Variants in SLC25A13 observed in about 807,000 individuals in gnomAD.
SLC25A13 encodes electrogenic aspartate/glutamate antiporter SLC25A13, mitochondrial.
A neutral mutation model predicts 85.5 loss-of-function variants in SLC25A13; 70 were observed. That is an observed-to-expected ratio of 0.82 (90% CI 0.68 to 1.00). The LOEUF is 1.00. SLC25A13 is among the 50% of genes least tolerant of loss of function. The pLI is 0.00. For missense variants in SLC25A13, 765 were observed against 819.8 expected (o/e 0.93, Z 0.82); for synonymous variants, 259 against 288.7 (o/e 0.90, Z 1.04).
At chr7:96,165,831 G>C (rs1793717041) in intron 13 of SLC25A13, among the ~76,000 whole-genome samples, 2 of 152,212 alleles carry the variant, frequency 1.3e-5, no homozygotes. Context: ...AATCTAAGTG[G>C]TAGGCACACC....
At chr7:96,318,985 T>C (rs1471475394) in intron 1 of SLC25A13, among the ~76,000 whole-genome samples, 1 of 152,200 alleles carries the variant, frequency 6.6e-6, no homozygotes, top group African/African-American at 2.4e-5. Flanking sequence ...GGAATAGCTA[T>C]GCTCCAGGGA....
At chr7:96,301,144 C>A (rs1799534154) in intron 1 of SLC25A13, among the ~76,000 whole-genome samples, 1 of 152,178 alleles carries the variant, frequency 6.6e-6, no homozygotes, top group South Asian at 2.1e-4. Flanking sequence ...AAAGTCAATT[C>A]AGAACAGCTG....
chr7:96,275,206 A>T (rs1347173673), intron 3 of SLC25A13, among the ~76,000 whole-genome samples: 2 of 152,140 alleles, frequency 1.3e-5, no homozygotes, highest in Non-Finnish European at 2.9e-5. Flanking sequence ...GTTCAGTTAG[A>T]ATGGCGATCA....
chr7:96,240,899 T>C (rs1796944983), intron 3 of SLC25A13, among the ~76,000 whole-genome samples: 1 of 144,796 alleles, frequency 6.9e-6, no homozygotes, highest in Non-Finnish European at 1.5e-5. Context: ...GAGTGTTAAA[T>C]GAACTTAAGG....
chr7:96,134,613 G>A (rs1411587040), intron 14 of SLC25A13, among the ~76,000 whole-genome samples: 1 of 151,618 alleles, frequency 6.6e-6, no homozygotes, highest in African/African-American at 2.4e-5. Flanking sequence ...CCCACTGAGT[G>A]TTCCACCTTC....
intron 3 of SLC25A13, among the ~76,000 whole-genome samples, chr7:96,241,891 C>T (rs920975886): frequency 6.6e-5 from 10 of 152,150 alleles, no homozygotes; most frequent in South Asian, 2.1e-4. Context: ...CCTCTCTGTC[C>T]TCGCTTATTC....
At chr7:96,181,971 A>G (rs1794436083) in intron 11 of SLC25A13, among the ~76,000 whole-genome samples, 1 of 152,240 alleles carries the variant, frequency 6.6e-6, no homozygotes, top group South Asian at 2.1e-4. Context: ...TAAAGGTGAT[A>G]ATACTGAGTC....
chr7:96,121,606 A>G (rs1340915534), intron 17 of SLC25A13, 49 bp downstream of exon 17: 1 of 1,559,746 alleles, frequency 6.4e-7, no homozygotes, highest in African/African-American at 1.4e-5. Context: ...ACGACAACAG[A>G]GCATTAGCAG....
intron 1 of SLC25A13, among the ~76,000 whole-genome samples, chr7:96,317,512 G>A (rs775017743): frequency 2.0e-5 from 3 of 151,990 alleles, no homozygotes; most frequent in Non-Finnish European, 4.4e-5. Context: ...TTAACTAAAT[G>A]TAGCCTGTGC....
In SLC25A13 at chr7:96,120,686, A is replaced by AG. The variant is rs1791461734; in HGVS notation, c.*504dup. On this transcript the variant is annotated 3_prime_UTR_variant, in exon 18 of 18. Transcript: ENST00000265631. ...AAGCTTCATAATATAATCCAGAGAC[A>AG]GAATTTGTGCATGCTTACAATTTGA... is the stretch of plus-strand genomic sequence containing the variant. 2.2e-6 allele frequency: 1 copy of AG among 454,458 alleles called. No homozygotes were observed. Among genetic ancestry groups the AG allele is most frequent in the African/African-American group, 2.0e-5 (1 of 50,024 alleles). The allele number at this position is 454,458 out of a possible 1,614,324, so 28.2% of individuals were successfully genotyped here.
chr7:96,173,081 T>C (rs578069315), intron 11 of SLC25A13, among the ~76,000 whole-genome samples: 44 of 152,344 alleles, frequency 2.9e-4, no homozygotes, highest in Non-Finnish European at 5.9e-4. Context: ...TTTATTGCTT[T>C]ACTGATATCG....
At chr7:96,140,237 C>T (rs1202812850) in intron 14 of SLC25A13, among the ~76,000 whole-genome samples, 1 of 151,544 alleles carries the variant, frequency 6.6e-6, no homozygotes, top group East Asian at 2.0e-4. Flanking sequence ...GGATTACAGG[C>T]GTGAGCCACC....
At chr7:96,309,682 A>C (rs1799882003) in intron 1 of SLC25A13, 1 of 152,188 alleles carries the variant, frequency 6.6e-6, no homozygotes, top group African/African-American at 2.4e-5. Flanking sequence ...TGTCCTCAAG[A>C]GTTCAAAATC....
At chr7:96,312,853 G>A (rs1799997858) in intron 1 of SLC25A13, among the ~76,000 whole-genome samples, 1 of 152,180 alleles carries the variant, frequency 6.6e-6, no homozygotes, top group Non-Finnish European at 1.5e-5. Flanking sequence ...AAGAGGCCCT[G>A]AATTTGAACA....
chr7:96,231,967 TAGG>T (rs1261075785), intron 4 of SLC25A13, among the ~76,000 whole-genome samples: 1 of 152,130 alleles, frequency 6.6e-6, no homozygotes, highest in Non-Finnish European at 1.5e-5. Flanking sequence ...ACACTGCTGG[TAGG>T]AGTGTAAATG....
chr7:96,127,194 A>G (rs1475232932), intron 15 of SLC25A13, among the ~76,000 whole-genome samples: 3 of 152,244 alleles, frequency 2.0e-5, no homozygotes, highest in Non-Finnish European at 4.4e-5. Flanking sequence ...TTTATTTGAT[A>G]TCATTCACAA....
At chr7:96,319,540 CAA>C (rs398005497) in intron 1 of SLC25A13, among the ~76,000 whole-genome samples, 1,305 of 77,228 alleles carry the variant, frequency 0.017, 9 homozygotes, top group African/African-American at 0.06. Context: ...GACTCCATCT[CAA>C]AAAAAAAAAA....
At chr7:96,130,956 T>C (rs1172479999) in intron 15 of SLC25A13, among the ~76,000 whole-genome samples, 1 of 152,214 alleles carries the variant, frequency 6.6e-6, no homozygotes, top group African/African-American at 2.4e-5. Flanking sequence ...GAGTTGTTCT[T>C]ATGCTATCTT....
chr7:96,144,336 C>G (rs1306763336), intron 14 of SLC25A13, among the ~76,000 whole-genome samples: 1 of 152,126 alleles, frequency 6.6e-6, no homozygotes, highest in Non-Finnish European at 1.5e-5. Flanking sequence ...AATCCTGACT[C>G]CCGGGTCTCT....
Sources: gnomAD v4.1 joint callset for allele counts (sites outside exome capture counted in the v4.1 genomes callset) on GRCh38, gnomAD v4.1.1 for gene constraint, MANE v1.5 for transcripts, NCBI Gene and HGNC (gene_info 2026-07-23, HGNC 2026-07-21) for gene names.